Variants in SYNE1 observed in about 807,000 individuals in gnomAD.
The protein encoded by SYNE1 is nesprin-1.
In SYNE1, 616 loss-of-function variants were observed where a neutral mutation model predicts 1,111.0. The ratio of observed to expected loss-of-function variants is 0.55; its 90% CI spans 0.52 to 0.59. SYNE1 has a LOEUF of 0.59. Ranked by LOEUF, SYNE1 falls within the 20% of genes least tolerant of loss-of-function variation. The pLI, the probability that SYNE1 is intolerant of heterozygous loss-of-function variation, is 0.00. For missense variants in SYNE1, 10,006 were observed against 10,417.0 expected (o/e 0.96, Z 1.72); for synonymous variants, 3,855 against 3,825.8 (o/e 1.01, Z -0.28).
chr6:152,579,073 G>C (rs6928967), intron 3 of SYNE1, among the ~76,000 whole-genome samples: 5,534 of 152,190 alleles, frequency 0.036, 346 homozygotes, highest in African/African-American at 0.13. Flanking sequence ...GTAACTAAGA[G>C]TATTTCTTTT....
chr6:152,342,040 T>C (rs1034650307), intron 74 of SYNE1, among the ~76,000 whole-genome samples: 3 of 152,064 alleles, frequency 2.0e-5, no homozygotes, highest in African/African-American at 7.2e-5. Flanking sequence ...GTGACTGTAG[T>C]CCAAGTGTCT....
intron 91 of SYNE1, 147 bp from the exon 92 acceptor site, chr6:152,302,210 T>C (rs1450430116): frequency 1.1e-5 from 12 of 1,047,340 alleles, no homozygotes; most frequent in Non-Finnish European, 1.4e-5. Context: ...CGAGTCCTCC[T>C]GCATCTCGCT....
intron 51 of SYNE1, among the ~76,000 whole-genome samples, chr6:152,395,068 C>T (rs1272665917): frequency 1.3e-5 from 2 of 151,918 alleles, no homozygotes; most frequent in African/African-American, 4.8e-5. Context: ...TAGGCGTGAG[C>T]CACCGCACCT....
intron 132 of SYNE1, 63 bp downstream of exon 132, chr6:152,155,847 G>A (rs1586404850): frequency 1.3e-6 from 2 of 1,590,524 alleles, no homozygotes; most frequent in Non-Finnish European, 1.7e-6. Flanking sequence ...TGGATACTCT[G>A]GGTGATTTTT....
intron 10 of SYNE1, among the ~76,000 whole-genome samples, chr6:152,501,552 T>C (rs1303887814): frequency 5.3e-5 from 8 of 152,050 alleles, no homozygotes; most frequent in Non-Finnish European, 1.0e-4. Context: ...CTGGCCAACA[T>C]GTGAAACCCA....
At chr6:152,162,298 T>A (rs986743460) in intron 131 of SYNE1, among the ~76,000 whole-genome samples, 1 of 152,208 alleles carries the variant, frequency 6.6e-6, no homozygotes, top group African/African-American at 2.4e-5. Context: ...TCTATCCACT[T>A]TCTATCTTGC....
intron 4 of SYNE1, among the ~76,000 whole-genome samples, chr6:152,532,323 A>G (rs910711852): frequency 6.6e-6 from 1 of 152,232 alleles, no homozygotes; most frequent in Non-Finnish European, 1.5e-5. Context: ...GCCATCATCC[A>G]TAATCACTTT....
rs754270893 is a variant in SYNE1 at position 152,352,193 on chromosome 6, C to T, written c.11414G>A (p.Arg3805Gln). 5 of 1,613,962 alleles carry T rather than the reference C, an allele frequency of 3.1e-6. No individual in the cohort carries two copies. The highest frequency in any genetic ancestry group is 1.3e-5 in the African/African-American group (1 of 74,884). ...EQLKELTSTV[R>Q]KEHMTLEKGL... ...TTTTTCCAGCGTCATGTGTTCTTTC[C>T]GGACAGTGCTGGTCAGTTCCTTCAA... The change falls in exon 70 of 146, where the codon CGG becomes CAG. Residue 3805 changes from arginine to glutamine, a missense_variant. By Grantham distance (43) the Arg-to-Gln change is conservative. Coordinates refer to ENST00000367255, the MANE Select transcript of SYNE1 (RefSeq NM_182961.4).
At chr6:152,532,984 T>C (rs776434193) in intron 4 of SYNE1, among the ~76,000 whole-genome samples, 3 of 152,130 alleles carry the variant, frequency 2.0e-5, no homozygotes, top group Non-Finnish European at 4.4e-5. Flanking sequence ...CCACAGTATA[T>C]GTATCAAAAT....
In SYNE1 at chr6:152,321,229, T is replaced by C; in HGVS notation, c.16236+9A>G. On this transcript the variant is annotated intron_variant, in intron 84 of 145. Coordinates refer to ENST00000367255, the MANE Select transcript of SYNE1 (RefSeq NM_182961.4). ...ATGGAAAGACACTCTTTCTTGATCA[T>C]AGGTTTACCTGATCTCGGATCTTTA... The C allele has an allele frequency of 6.2e-7, 1 of 1,613,538 alleles. No individual in the cohort carries two copies. The highest frequency in any genetic ancestry group is 1.3e-5 in the African/African-American group (1 of 75,048).
intron 51 of SYNE1, among the ~76,000 whole-genome samples, chr6:152,393,910 G>A (rs1437816053): frequency 2.0e-5 from 3 of 152,134 alleles, no homozygotes; most frequent in Non-Finnish European, 4.4e-5. Context: ...AAGTGCCATG[G>A]TGGTTTGCTG....
chr6:152,192,588 C>T (rs2072831312), intron 127 of SYNE1, among the ~76,000 whole-genome samples: 1 of 152,148 alleles, frequency 6.6e-6, no homozygotes, highest in South Asian at 2.1e-4. Context: ...TCTCCCACCT[C>T]AGCCTCTCAA....
intron 8 of SYNE1, among the ~76,000 whole-genome samples, chr6:152,509,134 G>T (rs1367967564): frequency 6.6e-6 from 1 of 151,752 alleles, no homozygotes; most frequent in Non-Finnish European, 1.5e-5. Context: ...TACATGAAAG[G>T]ACTTACCCCT....
chr6:152,502,553 T>G, intron 10 of SYNE1, 80 bp downstream of exon 10: 1 of 1,111,196 alleles, frequency 9.0e-7, no homozygotes, highest in Non-Finnish European at 1.4e-6. Flanking sequence ...CAAATTTAAT[T>G]TTTTGAGAAC....
chr6:152,495,215 A>G (rs2098992746), intron 11 of SYNE1, among the ~76,000 whole-genome samples: 1 of 152,094 alleles, frequency 6.6e-6, no homozygotes, highest in African/African-American at 2.4e-5. Context: ...TGGCAGATTG[A>G]CTTTACCCAC....
intron 130 of SYNE1, among the ~76,000 whole-genome samples, chr6:152,169,108 T>C (rs924204209): frequency 2.0e-5 from 3 of 151,986 alleles, no homozygotes; most frequent in African/African-American, 7.2e-5. Flanking sequence ...GATTAAAAAC[T>C]ACACACAAAT....
intron 13 of SYNE1, among the ~76,000 whole-genome samples, chr6:152,483,732 G>A (rs1390268661): frequency 6.6e-6 from 1 of 151,938 alleles, no homozygotes; most frequent in East Asian, 1.9e-4. Flanking sequence ...GACAAAGATG[G>A]GTTTAAAGGA....
intron 11 of SYNE1, among the ~76,000 whole-genome samples, chr6:152,490,563 T>A (rs2098964866): frequency 6.6e-6 from 1 of 152,168 alleles, no homozygotes; most frequent in Non-Finnish European, 1.5e-5. Flanking sequence ...AACCCCTGCC[T>A]CTGTCTGCAA....
At chr6:152,230,157 T>C (rs572914851) in intron 115 of SYNE1, among the ~76,000 whole-genome samples, 1 of 152,084 alleles carries the variant, frequency 6.6e-6, no homozygotes, top group Non-Finnish European at 1.5e-5. Context: ...CTCAGCCTCC[T>C]GAGTAGCTGG....
Sources: allele counts gnomAD v4.1 joint callset (sites outside exome capture counted in the v4.1 genomes callset), GRCh38; gene constraint gnomAD v4.1.1; transcripts MANE v1.5; gene names NCBI Gene and HGNC (gene_info 2026-07-23, HGNC 2026-07-21).